TTLL5: variants seen among roughly 807,000 people sequenced by gnomAD.
TTLL5 encodes the protein tubulin polyglutamylase TTLL5.
A neutral mutation model predicts 168.4 loss-of-function variants in TTLL5; 132 were observed. The ratio of observed to expected loss-of-function variants is 0.78; its 90% confidence interval spans 0.68 to 0.91. TTLL5 has a LOEUF of 0.91. TTLL5 is among the 40% of genes least tolerant of loss of function. The pLI is 0.00. For missense variants in TTLL5, 1,545 were observed against 1,581.5 expected (o/e 0.98, Z 0.39); for synonymous variants, 546 against 558.6 (o/e 0.98, Z 0.32).
At chr14:75,855,298 A>G (rs1026267916) in intron 28 of TTLL5, among the ~76,000 whole-genome samples, 8 of 152,212 alleles carry the variant, frequency 5.3e-5, no homozygotes, top group African/African-American at 1.9e-4. Flanking sequence ...CTAAGTCTTT[A>G]TCTGATCAAC....
At chr14:75,818,654 ATT>A (rs34861864) in intron 27 of TTLL5, 4,745 of 142,970 alleles carry the variant, frequency 0.033, no homozygotes, top group South Asian at 0.094. Context: ...CGCCTGGCTA[ATT>A]TTTTTTTTTT....
chr14:75,725,254 G>A (rs1259143034), intron 12 of TTLL5, among the ~76,000 whole-genome samples: 1 of 152,218 alleles, frequency 6.6e-6, no homozygotes, highest in African/African-American at 2.4e-5. Flanking sequence ...AAAGCAGGCA[G>A]TGTACATTCT....
chr14:75,779,371 T>C (rs1422813843), intron 23 of TTLL5, among the ~76,000 whole-genome samples: 2 of 93,180 alleles, frequency 2.1e-5, no homozygotes, highest in Non-Finnish European at 4.9e-5. Context: ...GAAAATTCAC[T>C]GCGGGATGAA....
chr14:75,932,533 T>A (rs1216044230), intron 31 of TTLL5, among the ~76,000 whole-genome samples: 1 of 152,168 alleles, frequency 6.6e-6, no homozygotes. Context: ...AATAGAATGT[T>A]AACAGGCCAT....
chr14:75,867,628 C>T (rs1595174629), intron 29 of TTLL5, among the ~76,000 whole-genome samples: 2 of 151,954 alleles, frequency 1.3e-5, no homozygotes, highest in Admixed American at 6.6e-5. Context: ...GGCGTGGTGG[C>T]GCATGCCTAT....
chr14:75,717,426 C>G (rs564210061), intron 9 of TTLL5, among the ~76,000 whole-genome samples: 2 of 152,294 alleles, frequency 1.3e-5, no homozygotes, highest in African/African-American at 2.4e-5. Flanking sequence ...GTTGTTATTT[C>G]TGGACCAGCT....
At chr14:75,946,188 T>A (rs145336072) in intron 31 of TTLL5, among the ~76,000 whole-genome samples, 3 of 152,304 alleles carry the variant, frequency 2.0e-5, no homozygotes, top group Admixed American at 2.0e-4. Flanking sequence ...ATGATAATGT[T>A]CTTGTGAGGT....
chr14:75,871,407 G>A (rs1416739924), intron 29 of TTLL5, among the ~76,000 whole-genome samples: 2 of 152,104 alleles, frequency 1.3e-5, no homozygotes, highest in Non-Finnish European at 2.9e-5. Flanking sequence ...ATTTTTACCA[G>A]GTCAGAGGAC....
intron 18 of TTLL5, among the ~76,000 whole-genome samples, chr14:75,760,565 A>G (rs138693230): frequency 6.6e-6 from 1 of 152,192 alleles, no homozygotes; most frequent in Admixed American, 6.5e-5. Context: ...TACTTGACCT[A>G]AATACTGTAA....
intron 4 of TTLL5, among the ~76,000 whole-genome samples, chr14:75,682,018 C>G (rs1040588260): frequency 6.6e-6 from 1 of 151,514 alleles, no homozygotes; most frequent in Non-Finnish European, 1.5e-5. Context: ...GGTGAAACCC[C>G]GTCTCTACTA....
intron 23 of TTLL5, among the ~76,000 whole-genome samples, chr14:75,777,202 G>A (rs1189976494): frequency 6.6e-6 from 1 of 152,140 alleles, no homozygotes; most frequent in Non-Finnish European, 1.5e-5. Flanking sequence ...ATTACTGCTG[G>A]GTAGCAGGGC....
intron 28 of TTLL5, among the ~76,000 whole-genome samples, chr14:75,835,924 G>A (rs1246415282): frequency 6.6e-6 from 1 of 152,110 alleles, no homozygotes; most frequent in Non-Finnish European, 1.5e-5. Context: ...GCATAGTGAA[G>A]GCTCCTACAC....
intron 30 of TTLL5, among the ~76,000 whole-genome samples, chr14:75,893,538 G>A (rs1448688316): frequency 1.3e-5 from 2 of 152,170 alleles, no homozygotes; most frequent in African/African-American, 4.8e-5. Context: ...AGTGAAGGCG[G>A]CTGGGCACAG....
intron 2 of TTLL5, among the ~76,000 whole-genome samples, chr14:75,669,057 A>T (rs1055289635): frequency 6.6e-5 from 10 of 152,304 alleles, no homozygotes; most frequent in Non-Finnish European, 1.3e-4. Context: ...AAGACAGGCT[A>T]TCATCTGTAG....
chr14:75,872,323 A>G (rs1425396866), intron 29 of TTLL5, among the ~76,000 whole-genome samples: 2 of 152,240 alleles, frequency 1.3e-5, no homozygotes, highest in Non-Finnish European at 2.9e-5. Flanking sequence ...TTTGCTTTAG[A>G]AAAGAGATAT....
At chr14:75,842,319 A>G (rs760723228) in intron 28 of TTLL5, among the ~76,000 whole-genome samples, 1 of 152,138 alleles carries the variant, frequency 6.6e-6, no homozygotes, top group Non-Finnish European at 1.5e-5. Flanking sequence ...TTTACTGATG[A>G]TGAAATGAGG....
intron 28 of TTLL5, among the ~76,000 whole-genome samples, chr14:75,854,771 T>A (rs975354433): frequency 6.6e-6 from 1 of 152,240 alleles, no homozygotes; most frequent in Non-Finnish European, 1.5e-5. Context: ...TTTCATTTGC[T>A]TGTTAGCCAG....
intron 31 of TTLL5, among the ~76,000 whole-genome samples, chr14:75,921,615 T>C (rs2033826896): frequency 6.6e-6 from 1 of 152,248 alleles, no homozygotes; most frequent in African/African-American, 2.4e-5. Flanking sequence ...CCATGCTGTT[T>C]TGGTTACTGT....
At chr14:75,751,486 C>G (rs1357555005) in intron 17 of TTLL5, among the ~76,000 whole-genome samples, 1 of 152,156 alleles carries the variant, frequency 6.6e-6, no homozygotes, top group Admixed American at 6.5e-5. Context: ...GTCTACAGTG[C>G]AGAGACGCTG....
Sources: gnomAD v4.1 joint callset for allele counts (sites outside exome capture counted in the v4.1 genomes callset) on GRCh38, gnomAD v4.1.1 for gene constraint, MANE v1.5 for transcripts, NCBI Gene and HGNC (gene_info 2026-07-23, HGNC 2026-07-21) for gene names.